PDSS1: variants seen among roughly 807,000 people sequenced by gnomAD.
PDSS1 encodes the protein all trans-polyprenyl-diphosphate synthase PDSS1.
In PDSS1, 43 loss-of-function variants were observed where a neutral mutation model predicts 57.5. That is an observed-to-expected ratio of 0.75 (90% CI 0.59 to 0.96). PDSS1 has a LOEUF of 0.96. Among genes scored for constraint, PDSS1 ranks in the 50% least tolerant of loss-of-function variants. The pLI is 0.00. For synonymous variants in PDSS1, 175 were observed against 191.3 expected (o/e 0.91, Z 0.70); for missense variants, 438 against 527.8 (o/e 0.83, Z 1.67).
intron 8 of PDSS1, among the ~76,000 whole-genome samples, chr10:26,733,630 A>G (rs997713440): frequency 6.6e-6 from 1 of 152,166 alleles, no homozygotes; most frequent in African/African-American, 2.4e-5. Flanking sequence ...GGACACTGCC[A>G]AGGCTCCTAT....
intron 1 of PDSS1, among the ~76,000 whole-genome samples, chr10:26,698,957 C>T (rs987061712): frequency 6.6e-6 from 1 of 152,096 alleles, no homozygotes; most frequent in Non-Finnish European, 1.5e-5. Flanking sequence ...GACTCTGTCT[C>T]TATAAAAAAT....
intron 1 of PDSS1, among the ~76,000 whole-genome samples, chr10:26,698,481 C>T (rs1834947517): frequency 6.6e-6 from 1 of 152,146 alleles, no homozygotes; most frequent in African/African-American, 2.4e-5. Flanking sequence ...AAGTCAGAAT[C>T]TCAGCGATAG....
intron 8 of PDSS1, among the ~76,000 whole-genome samples, chr10:26,728,682 TATTTC>T (rs1159260946): frequency 4.6e-5 from 7 of 152,072 alleles, no homozygotes; most frequent in African/African-American, 1.4e-4. Flanking sequence ...TTGTTATTAT[TATTTC>T]ATTCTCAAAA....
intron 8 of PDSS1, chr10:26,734,739 A>T (rs989486608): frequency 2.2e-6 from 1 of 456,390 alleles, no homozygotes; most frequent in Non-Finnish European, 4.4e-6. Context: ...ATTCCCAACG[A>T]TGATGAAAAG....
chr10:26,702,727 G>A (rs891818624), intron 2 of PDSS1, among the ~76,000 whole-genome samples: 3 of 152,174 alleles, frequency 2.0e-5, no homozygotes, highest in Non-Finnish European at 4.4e-5. Flanking sequence ...GCATGTTCCT[G>A]TAGTCCCAGC....
At chr10:26,735,364 A>G (rs1836358455) in intron 9 of PDSS1, 44 bp downstream of exon 9, 1 of 1,425,452 alleles carries the variant, frequency 7.0e-7, no homozygotes, top group Non-Finnish European at 9.9e-7. Context: ...GTAGTGATAC[A>G]GTCAGCATTC....
In PDSS1 at chr10:26,697,786, C is replaced by T. The variant is rs1034001336; in HGVS notation, c.75C>T (p.Ser25=). 1 of 1,309,644 alleles carries T rather than the reference C, an allele frequency of 7.6e-7. No individual in the cohort carries two copies. The allele number at this position is 1,309,644 out of a possible 1,614,324, so 81.1% of individuals were successfully genotyped here. A position where few individuals can be genotyped will look rare whatever the true frequency, so the allele number is the denominator to read the frequency against. ...KPAARSPGPG[S]PGRAGPLGPS... ...CGGCGCGGAGCCCCGGGCCCGGCTC[C>T]CCCGGCCGTGCGGGACCGTTGGGGC... is the stretch of plus-strand genomic sequence containing the variant. Residue 25 remains serine (S), a synonymous_variant, in exon 1 of 12, where the codon TCC becomes TCT. Transcript: ENST00000376215.
At chr10:26,714,920 T>C (rs1350385133) in intron 5 of PDSS1, 1 of 152,172 alleles carries the variant, frequency 6.6e-6, no homozygotes, top group Non-Finnish European at 1.5e-5. Flanking sequence ...TTTATAGCAC[T>C]ATAAAAAACT....
intron 5 of PDSS1, among the ~76,000 whole-genome samples, chr10:26,719,308 A>G (rs1835703949): frequency 2.0e-5 from 3 of 152,198 alleles, no homozygotes; most frequent in African/African-American, 7.2e-5. Context: ...TGAACTGTAA[A>G]ATTTATATCT....
At chr10:26,720,840 A>C (rs1350715473) in intron 6 of PDSS1, among the ~76,000 whole-genome samples, 1 of 152,208 alleles carries the variant, frequency 6.6e-6, no homozygotes, top group East Asian at 1.9e-4. Flanking sequence ...TGGTTCATAT[A>C]TGTATATATT....
intron 10 of PDSS1, among the ~76,000 whole-genome samples, chr10:26,740,364 C>G (rs1836549946): frequency 6.6e-6 from 1 of 152,094 alleles, no homozygotes; most frequent in Non-Finnish European, 1.5e-5. Flanking sequence ...TTTGGGCTTT[C>G]CTGATTTCTA....
intron 4 of PDSS1, among the ~76,000 whole-genome samples, chr10:26,707,164 G>A (rs1428748584): frequency 6.6e-6 from 1 of 152,116 alleles, no homozygotes; most frequent in Non-Finnish European, 1.5e-5. Flanking sequence ...TGTGTTTACC[G>A]GAGTTTTGCG....
chr10:26,709,135 G>A (rs1835337563), intron 4 of PDSS1, among the ~76,000 whole-genome samples: 1 of 152,216 alleles, frequency 6.6e-6, no homozygotes, highest in African/African-American at 2.4e-5. Context: ...ACTTGGGGCT[G>A]ATCCACGCAT....
chr10:26,746,267 C>A, intron 11 of PDSS1, 66 bp from the exon 12 acceptor site: 1 of 1,479,806 alleles, frequency 6.8e-7, no homozygotes, highest in Non-Finnish European at 9.5e-7. Context: ...TTTATTATAG[C>A]AGGAAGTTAA....
intron 4 of PDSS1, 114 bp downstream of exon 4, chr10:26,705,508 C>T (rs572399945): frequency 2.3e-6 from 1 of 434,608 alleles, no homozygotes; most frequent in Non-Finnish European, 4.1e-6. Flanking sequence ...GAGTCTCACT[C>T]TGTTGCCCAG....
At chr10:26,739,777 G>T (rs1348172549) in intron 10 of PDSS1, among the ~76,000 whole-genome samples, 1 of 152,184 alleles carries the variant, frequency 6.6e-6, no homozygotes, top group Non-Finnish European at 1.5e-5. Context: ...CCAGGCGAGA[G>T]GATCACTTGA....
At chr10:26,699,814 T>C (rs565987330) in intron 1 of PDSS1, among the ~76,000 whole-genome samples, 2 of 152,328 alleles carry the variant, frequency 1.3e-5, no homozygotes, top group African/African-American at 4.8e-5. Flanking sequence ...CAAGGAGGAA[T>C]TCTGTGGACT....
At chr10:26,709,877 G>A in intron 5 of PDSS1, 109 bp downstream of exon 5, 1 of 1,209,656 alleles carries the variant, frequency 8.3e-7, no homozygotes, top group Non-Finnish European at 1.2e-6. Flanking sequence ...TACCGGCTGG[G>A]CATGGTGGCT....
Position 26,746,653 on chromosome 10 carries a change from G to GTAA in PDSS1, c.*182_*184dup. 1 of 621,564 alleles carries GTAA rather than the reference G, an allele frequency of 1.6e-6. No homozygotes were observed. The allele number at this position is 621,564 out of a possible 1,614,324, so 38.5% of individuals were successfully genotyped here. A position where few individuals can be genotyped will look rare whatever the true frequency, so the allele number is the denominator to read the frequency against. ...AGTTTTTTCAGAAAACTTTTTAAAT[G>GTAA]TAATTAATAAACCACCTGAATCTGT... On this transcript the variant is annotated 3_prime_UTR_variant, in exon 12 of 12. Coordinates refer to ENST00000376215, the MANE Select transcript of PDSS1 (RefSeq NM_014317.5).
Sources: gnomAD v4.1 joint callset for allele counts (sites outside exome capture counted in the v4.1 genomes callset) on GRCh38, gnomAD v4.1.1 for gene constraint, MANE v1.5 for transcripts, NCBI Gene and HGNC (gene_info 2026-07-23, HGNC 2026-07-21) for gene names.